The following ERBB4 variants were observed in gnomAD, a reference collection of about 807,000 sequenced individuals.
The protein encoded by ERBB4 is receptor tyrosine-protein kinase erbB-4.
In ERBB4, 42 loss-of-function variants were observed where a neutral mutation model predicts 158.0. That is an observed-to-expected ratio of 0.27 (90% confidence interval 0.21 to 0.34). The LOEUF (loss-of-function observed/expected upper bound fraction) is 0.34. ERBB4 is among the 10% of genes least tolerant of loss of function. The probability of loss-of-function intolerance (pLI) is 1.00; values close to 1 mark genes in which losing one functional copy is unlikely to be tolerated. For missense variants in ERBB4, 1,333 were observed against 1,624.1 expected (o/e 0.82, Z 3.08); for synonymous variants, 583 against 558.7 (o/e 1.04, Z -0.61).
intron 20 of ERBB4, among the ~76,000 whole-genome samples, chr2:211,535,090 T>C (rs1284018191): frequency 2.0e-5 from 3 of 152,112 alleles, no homozygotes; most frequent in African/African-American, 7.2e-5. Flanking sequence ...ATTGTTACAG[T>C]CACCTTTGTT....
chr2:211,944,414 G>C (rs1408351090), intron 3 of ERBB4, among the ~76,000 whole-genome samples: 1 of 151,326 alleles, frequency 6.6e-6, no homozygotes, highest in Non-Finnish European at 1.5e-5. Flanking sequence ...ATACAAAGTT[G>C]ATGTTTGGCA....
At chr2:212,262,254 G>C (rs1356974316) in intron 1 of ERBB4, among the ~76,000 whole-genome samples, 1 of 152,032 alleles carries the variant, frequency 6.6e-6, no homozygotes, top group African/African-American at 2.4e-5. Context: ...TAAATTCTTA[G>C]AACACCTGCC....
chr2:211,859,135 T>C lies in ERBB4; in HGVS notation c.422-70976A>G, dbSNP rs550409265. Among the ~76,000 whole-genome samples, 23 of 152,288 alleles carry C rather than the reference T, an allele frequency of 1.5e-4. No homozygotes were observed. In the East Asian group the frequency reaches 4.3e-3, roughly 28 times the overall value. On this transcript the variant is annotated intron_variant, in intron 3 of 27. Coordinates refer to ENST00000342788, the MANE Select transcript of ERBB4 (RefSeq NM_005235.3). Reference sequence around the variant, plus strand: ...AATATTGTCCTCTGCCTCTGCAGCCTTCCCAGACATATTACTAAAATTAAT... The same window carrying C: ...AATATTGTCCTCTGCCTCTGCAGCCCTCCCAGACATATTACTAAAATTAAT...
At chr2:211,980,554 C>T (rs192219074) in intron 2 of ERBB4, among the ~76,000 whole-genome samples, 65 of 152,206 alleles carry the variant, frequency 4.3e-4, no homozygotes, top group East Asian at 5.8e-4. Flanking sequence ...GTACAGTCAT[C>T]CCTTAGTATT....
At chr2:211,908,082 GT>G (rs2079445674) in intron 3 of ERBB4, among the ~76,000 whole-genome samples, 1 of 151,576 alleles carries the variant, frequency 6.6e-6, no homozygotes, top group African/African-American at 2.4e-5. Flanking sequence ...CAAATACAAG[GT>G]GAATTACTTT....
intron 3 of ERBB4, among the ~76,000 whole-genome samples, chr2:211,933,524 T>C (rs984453029): frequency 3.3e-5 from 5 of 152,088 alleles, no homozygotes; most frequent in Non-Finnish European, 5.9e-5. Flanking sequence ...AATTATGGCA[T>C]CTATATTGTT....
In ERBB4 at chr2:211,804,922, C is replaced by CTT. The variant is rs201486236; in HGVS notation, c.422-16765_422-16764dup. Among the ~76,000 whole-genome samples the CTT allele has an allele frequency of 7.8e-3, 1,082 of 139,070 alleles. 7 individuals are homozygous for CTT. Among genetic ancestry groups the CTT allele is most frequent in the East Asian group, 0.014 (64 of 4,662 alleles). 91.2% of individuals were successfully genotyped at this position (139,070 alleles called of 152,430 possible). A position where few individuals can be genotyped will look rare whatever the true frequency, so the allele number is the denominator to read the frequency against. On this transcript the variant is annotated intron_variant, in intron 3 of 27. Coordinates refer to ENST00000342788, the MANE Select transcript of ERBB4 (RefSeq NM_005235.3). The stretch of plus-strand genomic sequence containing the variant: ...GAGGTTACAGCTCTTTCAAAATATT[C>CTT]TTTTTTTTTTTTTTTGAGATGGTGT...
At chr2:211,557,707 AG>A (rs2067275490) in intron 20 of ERBB4, among the ~76,000 whole-genome samples, 1 of 152,164 alleles carries the variant, frequency 6.6e-6, no homozygotes, top group Non-Finnish European at 1.5e-5. Flanking sequence ...AAAGCAGTCT[AG>A]CAATTCCTCA....
chr2:211,742,807 C>T (rs547541348), intron 5 of ERBB4, among the ~76,000 whole-genome samples: 6 of 151,506 alleles, frequency 4.0e-5, no homozygotes, highest in Non-Finnish European at 7.4e-5. Flanking sequence ...TAGTACTACC[C>T]ATATTAACAA....
intron 20 of ERBB4, among the ~76,000 whole-genome samples, chr2:211,441,871 G>A (rs943807679): frequency 3.9e-5 from 6 of 152,086 alleles, no homozygotes; most frequent in African/African-American, 1.4e-4. Context: ...AAAATCTTCA[G>A]TAAATTTAGA....
intron 2 of ERBB4, among the ~76,000 whole-genome samples, chr2:212,055,247 G>C (rs2077520513): frequency 6.6e-6 from 1 of 152,214 alleles, no homozygotes; most frequent in African/African-American, 2.4e-5. Context: ...GTGAGTCTGG[G>C]GAAGGGGTGC....
intron 2 of ERBB4, among the ~76,000 whole-genome samples, chr2:212,022,250 C>T: frequency 6.6e-6 from 1 of 152,170 alleles, no homozygotes; most frequent in East Asian, 1.9e-4. Context: ...CACTGCAGCA[C>T]TATTCACAAT....
At chr2:212,459,125 CT>C (rs1358600210) in intron 1 of ERBB4, among the ~76,000 whole-genome samples, 1 of 151,894 alleles carries the variant, frequency 6.6e-6, no homozygotes, top group Non-Finnish European at 1.5e-5. Flanking sequence ...TATCTGAAGG[CT>C]TTTGGGTTTT....
intron 9 of ERBB4, among the ~76,000 whole-genome samples, chr2:211,707,896 T>A (rs201987377): frequency 3.3e-5 from 5 of 152,296 alleles, no homozygotes; most frequent in East Asian, 3.9e-4. Flanking sequence ...CGTAACAACC[T>A]CATTAAATTA....
At chr2:212,412,514 C>G (rs1329722803) in intron 1 of ERBB4, among the ~76,000 whole-genome samples, 4 of 152,312 alleles carry the variant, frequency 2.6e-5, no homozygotes, top group Middle Eastern at 3.4e-3. Flanking sequence ...CTCCCTGAGG[C>G]CTCTCCAGAA....
intron 22 of ERBB4, among the ~76,000 whole-genome samples, chr2:211,427,828 ATTGGCTGATTTTTTTT>A (rs1278522730): frequency 7.0e-6 from 1 of 142,230 alleles, no homozygotes; most frequent in African/African-American, 2.5e-5. Context: ...CTAAACTAAA[ATTGGCTGATTTTTTTT>A]TTTTCTGTCA....
chr2:211,719,610 C>A (rs2074030752), intron 7 of ERBB4, among the ~76,000 whole-genome samples: 2 of 152,076 alleles, frequency 1.3e-5, no homozygotes, highest in African/African-American at 4.8e-5. Flanking sequence ...AATCCCAGCA[C>A]TTTGGGAGGC....
At chr2:212,430,723 A>C (rs1311291529) in intron 1 of ERBB4, among the ~76,000 whole-genome samples, 1 of 152,150 alleles carries the variant, frequency 6.6e-6, no homozygotes, top group Non-Finnish European at 1.5e-5. Flanking sequence ...AGATCCCATT[A>C]CCAATCTTGT....
chr2:212,339,994 T>C (rs543647541), intron 1 of ERBB4, among the ~76,000 whole-genome samples: 2 of 152,192 alleles, frequency 1.3e-5, no homozygotes, highest in South Asian at 2.1e-4. Context: ...GCAGAGCTTT[T>C]ACTCTCTTCA....
Sources: allele counts gnomAD v4.1 joint callset (sites outside exome capture counted in the v4.1 genomes callset), GRCh38; gene constraint gnomAD v4.1.1; transcripts MANE v1.5; gene names NCBI Gene and HGNC (gene_info 2026-07-23, HGNC 2026-07-21).